CCSER1: variants seen among roughly 807,000 people sequenced by gnomAD.
The protein encoded by CCSER1 is coiled-coil serine rich protein 1.
CCSER1 carries 41 observed loss-of-function variants against 82.0 expected under a neutral mutation model. The observed-to-expected ratio is 0.50, with a 90% CI of 0.39 to 0.65. The LOEUF (loss-of-function observed/expected upper bound fraction) is 0.65, where lower values mean the gene tolerates loss of function less well. Among genes scored for constraint, CCSER1 ranks in the 30% least tolerant of loss-of-function variants. The pLI is 0.00. For missense variants in CCSER1, 1,119 were observed against 1,064.2 expected, an observed-to-expected ratio of 1.05 and a Z score of -0.72; for synonymous variants, 414 against 383.9, an observed-to-expected ratio of 1.08 and a Z score of -0.92.
chr4:91,316,439 G>T (rs1745842381), intron 10 of CCSER1, among the ~76,000 whole-genome samples: 1 of 151,950 alleles, frequency 6.6e-6, no homozygotes, highest in African/African-American at 2.4e-5. Context: ...CAAGAACTGT[G>T]TTTGAAATGT....
At chr4:91,193,793 T>C (rs1735189392) in intron 10 of CCSER1, among the ~76,000 whole-genome samples, 1 of 150,264 alleles carries the variant, frequency 6.7e-6, no homozygotes, top group Admixed American at 6.7e-5. Flanking sequence ...TCTTTACTTC[T>C]AATTCAAATC....
rs945425227 is a variant in CCSER1 at position 91,598,683 on chromosome 4, C to A, written c.2329C>A (p.Pro777Thr). ...GTATTCGGCAGCGGACCAGACAAGC[C>A]CCTACAAAAACAAGACCTGTCAACT... ...FRYSAADQTSPYKNKTCQLPS... is the reference protein window; with the variant it reads ...FRYSAADQTSTYKNKTCQLPS... Residue 777 changes from proline (P) to threonine (T), a missense_variant, in exon 11 of 11, where the codon CCC becomes ACC. Pro to Thr is a conservative substitution (Grantham distance 38). Transcript: ENST00000509176. 5 of 1,551,194 alleles carry A rather than the reference C, an allele frequency of 3.2e-6. No homozygotes were observed. The African/African-American group carries it at 6.9e-5, about 21-fold the overall frequency.
intron 10 of CCSER1, among the ~76,000 whole-genome samples, chr4:91,453,134 T>C (rs1347849030): frequency 6.6e-6 from 1 of 152,066 alleles, no homozygotes; most frequent in African/African-American, 2.4e-5. Flanking sequence ...CATTATCATT[T>C]GGTCATTTAG....
At chr4:91,205,671 A>C in intron 10 of CCSER1, among the ~76,000 whole-genome samples, 27 of 133,312 alleles carry the variant, frequency 2.0e-4, no homozygotes, top group South Asian at 2.4e-4. Context: ...CCTCCCTCCT[A>C]CCCTCCCTTC....
intron 10 of CCSER1, among the ~76,000 whole-genome samples, chr4:91,290,402 T>G (rs986828722): frequency 6.6e-6 from 1 of 152,012 alleles, no homozygotes; most frequent in Non-Finnish European, 1.5e-5. Flanking sequence ...TTCCCAGTGT[T>G]TTTGTAGTTT....
chr4:90,536,182 G>A (rs976023683), intron 5 of CCSER1, among the ~76,000 whole-genome samples: 1 of 151,806 alleles, frequency 6.6e-6, no homozygotes, highest in Non-Finnish European at 1.5e-5. Context: ...ATAGGTGCCC[G>A]CCACCACACT....
intron 10 of CCSER1, among the ~76,000 whole-genome samples, chr4:91,177,160 G>A (rs1311444307): frequency 6.6e-6 from 1 of 152,114 alleles, no homozygotes; most frequent in Non-Finnish European, 1.5e-5. Flanking sequence ...TGCATCCCAG[G>A]GATGAAGCCA....
intron 1 of CCSER1, among the ~76,000 whole-genome samples, chr4:90,150,017 G>A (rs1436725224): frequency 1.3e-5 from 2 of 152,086 alleles, no homozygotes; most frequent in Non-Finnish European, 2.9e-5. Flanking sequence ...TAACTGCATG[G>A]GTCCATTTAA....
At position 91,599,627 on chromosome 4, in the gene CCSER1, T is replaced by C. The variant is rs1191738762; in HGVS notation, c.*570T>C. ...ATTACATACATTCAAGCTCATCTTG[T>C]GATACTAGTAAGGGGGAAATGGCTG... On this transcript the variant is annotated 3_prime_UTR_variant, in exon 11 of 11. Coordinates refer to ENST00000509176, the MANE Select transcript of CCSER1 (RefSeq NM_001145065.2). 6.6e-6 allele frequency: 1 copy of C among 152,198 alleles called. No individual in the cohort carries two copies. Among genetic ancestry groups the C allele is most frequent in the African/African-American group, 2.4e-5 (1 of 41,470 alleles). 9.4% of individuals were successfully genotyped at this position (152,198 alleles called of 1,614,324 possible).
intron 3 of CCSER1, among the ~76,000 whole-genome samples, chr4:90,358,295 T>C (rs1279942147): frequency 6.6e-6 from 1 of 152,106 alleles, no homozygotes; most frequent in Non-Finnish European, 1.5e-5. Context: ...ACATTCCATG[T>C]AGTCAAAGTG....
At chr4:91,262,182 A>G (rs555253793) in intron 10 of CCSER1, among the ~76,000 whole-genome samples, 1 of 151,878 alleles carries the variant, frequency 6.6e-6, no homozygotes, top group East Asian at 1.9e-4. Context: ...ATCTTAGCTT[A>G]CAGGTTGTGG....
At chr4:90,386,380 G>A (rs1214588020) in intron 3 of CCSER1, among the ~76,000 whole-genome samples, 1 of 152,096 alleles carries the variant, frequency 6.6e-6, no homozygotes, top group Non-Finnish European at 1.5e-5. Flanking sequence ...CTACAAAGCA[G>A]ACCAAAACAT....
chr4:90,989,067 T>C (rs1736813897), intron 9 of CCSER1, among the ~76,000 whole-genome samples: 1 of 151,796 alleles, frequency 6.6e-6, no homozygotes, highest in Non-Finnish European at 1.5e-5. Flanking sequence ...CATAAAAGTT[T>C]CATACAGTTT....
intron 3 of CCSER1, among the ~76,000 whole-genome samples, chr4:90,385,894 T>G (rs1024029672): frequency 3.3e-5 from 5 of 152,176 alleles, no homozygotes; most frequent in Admixed American, 2.6e-4. Flanking sequence ...TTAGTCCTTT[T>G]TCAGATGTAT....
chr4:90,749,669 A>T (rs1029537241), intron 7 of CCSER1, among the ~76,000 whole-genome samples: 3 of 152,104 alleles, frequency 2.0e-5, no homozygotes, highest in African/African-American at 7.2e-5. Context: ...CCTACCCCAC[A>T]TTTTGTTAAT....
chr4:91,315,853 G>C (rs1351905898), intron 10 of CCSER1, among the ~76,000 whole-genome samples: 1 of 151,940 alleles, frequency 6.6e-6, no homozygotes, highest in Non-Finnish European at 1.5e-5. Context: ...CAAGTTATCT[G>C]AGTTCTCTGT....
At chr4:90,255,522 C>T (rs1723126646) in intron 1 of CCSER1, among the ~76,000 whole-genome samples, 1 of 152,034 alleles carries the variant, frequency 6.6e-6, no homozygotes, top group African/African-American at 2.4e-5. Context: ...ATTCTCAAAG[C>T]TTAGTTTACA....
intron 10 of CCSER1, among the ~76,000 whole-genome samples, chr4:91,458,718 C>T (rs1292452857): frequency 1.3e-5 from 2 of 152,072 alleles, no homozygotes; most frequent in East Asian, 3.8e-4. Flanking sequence ...TTGTATAGAT[C>T]TTGCACTTAT....
At chr4:91,151,464 T>C (rs374483717) in intron 10 of CCSER1, among the ~76,000 whole-genome samples, 13 of 152,324 alleles carry the variant, frequency 8.5e-5, no homozygotes, top group South Asian at 8.3e-4. Flanking sequence ...TGTGTCTCTA[T>C]TTCCTTCAGT....
Sources: allele counts gnomAD v4.1 joint callset (sites outside exome capture counted in the v4.1 genomes callset), GRCh38; gene constraint gnomAD v4.1.1; transcripts MANE v1.5; gene names NCBI Gene and HGNC (gene_info 2026-07-23, HGNC 2026-07-21).